The following GNPTAB variants were observed in gnomAD, a reference collection of about 807,000 sequenced individuals.
GNPTAB encodes N-acetylglucosamine-1-phosphotransferase subunits alpha/beta.
GNPTAB carries 92 observed loss-of-function variants against 136.6 expected under a neutral mutation model. That is an observed-to-expected ratio of 0.67 (90% CI 0.57 to 0.80). The LOEUF (loss-of-function observed/expected upper bound fraction) is 0.80. GNPTAB is among the 30% of genes least tolerant of loss of function. The pLI is 0.00. For synonymous variants in GNPTAB, 512 were observed against 535.1 expected, an observed-to-expected ratio of 0.96 and a Z score of 0.60; for missense variants, 1,343 against 1,501.8, an observed-to-expected ratio of 0.89 and a Z score of 1.75.
chr12:101,747,806 T>C lies in GNPTAB; in HGVS notation c.3694-565A>G, dbSNP rs184457882. 5.8e-3 allele frequency among the ~76,000 whole-genome samples: 707 copies of C among 122,926 alleles called. 6 individuals carry two copies. The highest frequency in any genetic ancestry group is 6.4e-3 in the Non-Finnish European group (349 of 54,672). 80.6% of individuals were successfully genotyped at this position (122,926 alleles called of 152,430 possible). ...GCAGGAGGAAGGAGTTTGACTCCAG[T>C]AGAGAGCAGAGTGTTGGGATTTAAC... On this transcript the variant is annotated intron_variant, in intron 20 of 20. Coordinates refer to ENST00000299314, the MANE Select transcript of GNPTAB (RefSeq NM_024312.5).
Position 101,786,016 on chromosome 12 carries a change from C to T in GNPTAB, c.567G>A (p.Lys189=). The change falls in exon 5 of 21, where the codon AAG becomes AAA. Residue 189 remains lysine, a synonymous_variant. Coordinates refer to ENST00000299314, the MANE Select transcript of GNPTAB (RefSeq NM_024312.5). ...ATATCCATAAAAAGATCTTACCATC[C>T]TTAGTACTGTCAAAAACAACAACTG... The part of the protein sequence containing the change: ...NVSVVVFDST[K]DVEDAHSGLL... 1 of 1,606,904 alleles carries T rather than the reference C, an allele frequency of 6.2e-7. No individual in the cohort carries two copies. Among genetic ancestry groups the T allele is most frequent in the Non-Finnish European group, 8.5e-7 (1 of 1,173,592 alleles).
At chr12:101,770,613 T>C in intron 8 of GNPTAB, 28 bp from the exon 9 acceptor site, 3 of 1,514,982 alleles carry the variant, frequency 2.0e-6, no homozygotes, top group Non-Finnish European at 2.8e-6. Flanking sequence ...CATATGAAGA[T>C]GTGAAATACC....
At chr12:101,818,126 A>G (rs1870599325) in intron 1 of GNPTAB, among the ~76,000 whole-genome samples, 1 of 152,172 alleles carries the variant, frequency 6.6e-6, no homozygotes, top group Non-Finnish European at 1.5e-5. Flanking sequence ...TTAGAAGTTA[A>G]TAATGTCTCA....
intron 1 of GNPTAB, among the ~76,000 whole-genome samples, chr12:101,797,752 A>C (rs183876666): frequency 1.3e-5 from 2 of 152,182 alleles, no homozygotes; most frequent in Non-Finnish European, 2.9e-5. Context: ...CTTTAGATAG[A>C]AGTTCCCTCA....
Position 101,754,684 on chromosome 12 carries a change from C to T in GNPTAB, c.3435-1145G>A, listed in dbSNP as rs377041626. On this transcript the variant is annotated intron_variant, in intron 18 of 20. Coordinates refer to ENST00000299314, the MANE Select transcript of GNPTAB (RefSeq NM_024312.5). Reference sequence around the variant, plus strand: ...AAGGCAAAGGTCACTAAACTAAGGGCCCATTAAAGTGGCTTGTAGGTAGGC... The same window carrying T: ...AAGGCAAAGGTCACTAAACTAAGGGTCCATTAAAGTGGCTTGTAGGTAGGC... Among the ~76,000 whole-genome samples, 140 of 151,852 alleles carry T rather than the reference C, an allele frequency of 9.2e-4. 3 individuals are homozygous for T. The highest frequency in any genetic ancestry group is 3.3e-3 in the African/African-American group (135 of 41,390).
At chr12:101,751,316 G>A (rs1489731813) in intron 19 of GNPTAB, among the ~76,000 whole-genome samples, 5 of 152,096 alleles carry the variant, frequency 3.3e-5, no homozygotes, top group South Asian at 2.1e-4. Context: ...TCCTTCCTAC[G>A]TACACCAGCT....
At chr12:101,749,603 T>C (rs1952786619) in intron 19 of GNPTAB, among the ~76,000 whole-genome samples, 1 of 152,244 alleles carries the variant, frequency 6.6e-6, no homozygotes, top group Non-Finnish European at 1.5e-5. Context: ...GCTGACATGC[T>C]GACTGATGAC....
intron 1 of GNPTAB, among the ~76,000 whole-genome samples, chr12:101,827,987 G>A (rs929909759): frequency 6.6e-6 from 1 of 152,012 alleles, no homozygotes; most frequent in Non-Finnish European, 1.5e-5. Flanking sequence ...AAAAAACAAT[G>A]ATCTTCTTAG....
At chr12:101,772,300 C>T (rs999556356) in intron 7 of GNPTAB, among the ~76,000 whole-genome samples, 13 of 152,330 alleles carry the variant, frequency 8.5e-5, no homozygotes, top group African/African-American at 2.9e-4. Context: ...TCTTCTTTCT[C>T]AATCTATAAA....
intron 1 of GNPTAB, among the ~76,000 whole-genome samples, chr12:101,819,527 A>G (rs1409085380): frequency 6.6e-6 from 1 of 152,248 alleles, no homozygotes; most frequent in Non-Finnish European, 1.5e-5. Flanking sequence ...TTATCAAAGG[A>G]AAAAGAAAAA....
intron 3 of GNPTAB, 125 bp from the exon 4 acceptor site, chr12:101,788,714 C>A: frequency 1.5e-6 from 1 of 675,268 alleles, no homozygotes; most frequent in Non-Finnish European, 2.7e-6. Flanking sequence ...ACCAGGCTGT[C>A]AGCCATTTTC....
intron 3 of GNPTAB, 24 bp from the exon 4 acceptor site, chr12:101,788,613 A>T: frequency 7.8e-7 from 1 of 1,282,168 alleles, no homozygotes; most frequent in African/African-American, 1.5e-5. Flanking sequence ...AATACAGTTT[A>T]TTACATACAT....
At chr12:101,828,424 C>A (rs1566104928) in intron 1 of GNPTAB, among the ~76,000 whole-genome samples, 1 of 152,096 alleles carries the variant, frequency 6.6e-6, no homozygotes, top group Non-Finnish European at 1.5e-5. Flanking sequence ...CCATGGGAGA[C>A]CAAAGCAAGC....
intron 10 of GNPTAB, among the ~76,000 whole-genome samples, chr12:101,768,433 T>C (rs1218549140): frequency 6.6e-6 from 1 of 152,226 alleles, no homozygotes; most frequent in East Asian, 1.9e-4. Flanking sequence ...GATTAGTCTC[T>C]CATAACATGC....
At chr12:101,821,948 G>A (rs1870822067) in intron 1 of GNPTAB, among the ~76,000 whole-genome samples, 1 of 152,174 alleles carries the variant, frequency 6.6e-6, no homozygotes, top group South Asian at 2.1e-4. Context: ...GGGCAAAAGA[G>A]GCTGAAATGA....
intron 1 of GNPTAB, among the ~76,000 whole-genome samples, chr12:101,821,895 T>A (rs755185819): frequency 5.6e-4 from 85 of 151,914 alleles, no homozygotes; most frequent in Non-Finnish European, 4.9e-4. Context: ...GTGGGCCACA[T>A]ACAACAAAGA....
Position 101,765,088 on chromosome 12 carries a change from G to A in GNPTAB, c.1829C>T (p.Thr610Ile). The part of the protein sequence containing the change: ...LIMHSGMNAT[T>I]IHFNLTFQNT... ...TTGAAACGTGAGATTAAAATGTATT[G>A]TGGTGGCATTCATTCCACTGTGCAT... The change falls in exon 13 of 21, where the codon ACA (threonine) becomes ATA (isoleucine). Residue 610 changes from threonine (T) to isoleucine (I), a missense_variant. Transcript: ENST00000299314. The A allele has an allele frequency of 6.2e-7, 1 of 1,614,014 alleles. No homozygotes were observed. The highest frequency in any genetic ancestry group is 8.5e-7 in the Non-Finnish European group (1 of 1,179,908).
intron 13 of GNPTAB, among the ~76,000 whole-genome samples, chr12:101,763,675 C>T (rs893520581): frequency 6.6e-6 from 1 of 152,188 alleles, no homozygotes; most frequent in Non-Finnish European, 1.5e-5. Flanking sequence ...GCTATGTTCC[C>T]GTCATCTTGC....
intron 1 of GNPTAB, among the ~76,000 whole-genome samples, chr12:101,825,214 C>T (rs897375795): frequency 9.9e-5 from 15 of 152,200 alleles, no homozygotes; most frequent in Non-Finnish European, 1.5e-4. Flanking sequence ...TAGCCAAAGG[C>T]ATGAGCTATA....
Sources: allele counts gnomAD v4.1 joint callset (sites outside exome capture counted in the v4.1 genomes callset), GRCh38; gene constraint gnomAD v4.1.1; transcripts MANE v1.5; gene names NCBI Gene and HGNC (gene_info 2026-07-23, HGNC 2026-07-21).